TBL1X: variants seen among roughly 807,000 people sequenced by gnomAD.
TBL1X encodes the protein transducin beta like 1 X-linked, also known as F-box-like/WD repeat-containing protein TBL1X.
Under a neutral mutation model 50.7 loss-of-function variants are expected in TBL1X, and 10 were observed. That is an observed-to-expected ratio of 0.20 (90% CI 0.12 to 0.33). The LOEUF is 0.33. Among genes scored for constraint, TBL1X ranks in the 10% least tolerant of loss-of-function variants. The probability of loss-of-function intolerance (pLI) is 1.00; values close to 1 mark genes in which losing one functional copy is unlikely to be tolerated. For missense variants in TBL1X, 340 were observed against 504.4 expected, an observed-to-expected ratio of 0.67 and a Z score of 3.12; for synonymous variants, 190 against 214.7, an observed-to-expected ratio of 0.88 and a Z score of 1.01.
At chrX:9,700,725 A>G (rs1358184856) in intron 12 of TBL1X, among the ~76,000 whole-genome samples, 1 of 111,064 alleles carries the variant, frequency 9.0e-6, no homozygotes, top group Non-Finnish European at 1.9e-5. Flanking sequence ...GCCTTGCCCC[A>G]CTAGCTTTTC....
chrX:9,525,188 C>CA (rs1349149115), intron 2 of TBL1X, among the ~76,000 whole-genome samples: 1 of 111,238 alleles, frequency 9.0e-6, no homozygotes, highest in Non-Finnish European at 1.9e-5. Flanking sequence ...CGTCTTTCCA[C>CA]ACACCTTCCA....
intron 2 of TBL1X, among the ~76,000 whole-genome samples, chrX:9,530,783 A>AT (rs1323730136): frequency 1.8e-5 from 2 of 111,861 alleles, no homozygotes; most frequent in Non-Finnish European, 3.8e-5. Context: ...ATGTTTCTGG[A>AT]TTTTTTCCCG....
At chrX:9,710,336 G>A (rs1228412207) in intron 15 of TBL1X, among the ~76,000 whole-genome samples, 1 of 110,833 alleles carries the variant, frequency 9.0e-6, no homozygotes, top group Admixed American at 9.6e-5. Context: ...TCGAATTAAG[G>A]TCATCTCTTA....
At chrX:9,482,098 A>G (rs916262176) in intron 1 of TBL1X, among the ~76,000 whole-genome samples, 3 of 106,999 alleles carry the variant, frequency 2.8e-5, no homozygotes, top group African/African-American at 1.0e-4. Context: ...ATTTTCTGTC[A>G]TTTGGACTGA....
rs1254491563 is a variant in TBL1X at position 9,691,605 on chromosome X, G to T, written c.643G>T (p.Asp215Tyr). 1.7e-6 allele frequency: 2 copies of T among 1,211,464 alleles called. No individual in the cohort carries two copies. The highest frequency in any genetic ancestry group is 3.5e-5 in the African/African-American group (2 of 57,747). ...TAATCACGCGAAGCCAATGGAAATA[G>T]ATGGAGAGGTTGAGATTCCATCCAG... ...VNNHAKPMEI[D>Y]GEVEIPSSKA... is the part of the protein sequence containing the mutation. The change falls in exon 8 of 18, where the codon GAT (aspartate) becomes TAT (tyrosine). Residue 215 changes from aspartate (D) to tyrosine (Y), a missense_variant. By Grantham distance (160) the Asp-to-Tyr change is radical (BLOSUM62 -3). Coordinates refer to ENST00000645353, the MANE Select transcript of TBL1X (RefSeq NM_005647.4).
intron 2 of TBL1X, among the ~76,000 whole-genome samples, chrX:9,537,316 T>TA (rs1444500122): frequency 1.8e-5 from 2 of 109,555 alleles, no homozygotes; most frequent in Non-Finnish European, 3.8e-5. Flanking sequence ...CAATTTTTTT[T>TA]ATTGTGGTAA....
intron 2 of TBL1X, among the ~76,000 whole-genome samples, chrX:9,592,162 G>A (rs1417673942): frequency 1.8e-5 from 2 of 111,739 alleles, no homozygotes; most frequent in South Asian, 3.8e-4. Flanking sequence ...GCTTCTTGAC[G>A]TTTATCATTG....
chrX:9,688,317 T>C (rs1399195336), intron 7 of TBL1X, 42 bp downstream of exon 7: 2 of 1,060,878 alleles, frequency 1.9e-6, no homozygotes, highest in East Asian at 3.3e-5. Context: ...CCTCTCTGGG[T>C]TCATTGTTTT....
At chrX:9,711,836 TC>T (rs1569108002) in intron 16 of TBL1X, 60 bp downstream of exon 16, 5 of 1,115,429 alleles carry the variant, frequency 4.5e-6, no homozygotes, top group Non-Finnish European at 4.8e-6. Flanking sequence ...TAGCCACGAC[TC>T]CAGTGCCCTT....
rs987433460 is a variant in TBL1X at position 9,501,769 on chromosome X, G to A, written c.-200-11G>A. 7 of 111,636 alleles carry A rather than the reference G, an allele frequency of 6.3e-5. No homozygotes were observed. The highest frequency in any genetic ancestry group is 1.6e-4 in the African/African-American group (5 of 30,651). The allele number at this position is 111,636 out of a possible 1,213,427, so 9.2% of individuals were successfully genotyped here. On this transcript the variant is annotated splice_polypyrimidine_tract_variant and intron_variant, in intron 1 of 17. Coordinates refer to ENST00000645353, the MANE Select transcript of TBL1X (RefSeq NM_005647.4). ...TATGTGACACTGCTGCTATTTTACT[G>A]TTTCTTCCAGATTTCCGTGAGGGTG...
intron 1 of TBL1X, among the ~76,000 whole-genome samples, chrX:9,488,597 A>G (rs2081925570): frequency 1.8e-5 from 2 of 111,971 alleles, no homozygotes; most frequent in South Asian, 3.7e-4. Context: ...CTTTTACCAT[A>G]TAAGGAAACA....
intron 12 of TBL1X, among the ~76,000 whole-genome samples, chrX:9,704,158 C>T (rs2083192595): frequency 8.9e-6 from 1 of 112,167 alleles, no homozygotes; most frequent in Non-Finnish European, 1.9e-5. Context: ...GGGAGGGTGT[C>T]GGTCACAGGC....
intron 3 of TBL1X, among the ~76,000 whole-genome samples, chrX:9,650,033 C>T (rs2082825081): frequency 8.9e-6 from 1 of 112,504 alleles, no homozygotes; most frequent in South Asian, 3.7e-4. Flanking sequence ...TGAAGCAATC[C>T]TCCCATCTCA....
intron 6 of TBL1X, 68 bp downstream of exon 6, chrX:9,684,256 T>C (rs2083042989): frequency 3.4e-6 from 4 of 1,170,231 alleles, no homozygotes; most frequent in Non-Finnish European, 2.3e-6. Flanking sequence ...TTGGAACACA[T>C]TGGAAGCTAA....
intron 7 of TBL1X, among the ~76,000 whole-genome samples, chrX:9,689,788 G>A (rs961592743): frequency 5.3e-5 from 6 of 112,994 alleles, no homozygotes; most frequent in African/African-American, 1.9e-4. Flanking sequence ...CAGGGACAGT[G>A]GGTCTGCCAC....
intron 1 of TBL1X, among the ~76,000 whole-genome samples, chrX:9,475,047 T>C (rs1223314793): frequency 9.0e-6 from 1 of 111,319 alleles, no homozygotes; most frequent in Non-Finnish European, 1.9e-5. Flanking sequence ...CTAATTTTTG[T>C]ATTTTTAGTA....
chrX:9,569,674 A>G (rs66479054), intron 2 of TBL1X, among the ~76,000 whole-genome samples: 8,704 of 111,424 alleles, frequency 0.078, 279 homozygotes, highest in Middle Eastern at 0.11. Flanking sequence ...TCAAGAAACA[A>G]GACCAAACGA....
chrX:9,606,554 G>T (rs753493113), intron 2 of TBL1X, among the ~76,000 whole-genome samples: 8 of 110,845 alleles, frequency 7.2e-5, no homozygotes, highest in Non-Finnish European at 1.1e-4. Context: ...GTGGCGCATG[G>T]CTGTAGTTGC....
At chrX:9,650,449 C>T (rs1387452420) in intron 3 of TBL1X, among the ~76,000 whole-genome samples, 1 of 112,179 alleles carries the variant, frequency 8.9e-6, no homozygotes, top group Non-Finnish European at 1.9e-5. Flanking sequence ...GACATAGTTT[C>T]CTCTCTGTGC....
Sources: allele counts gnomAD v4.1 joint callset (sites outside exome capture counted in the v4.1 genomes callset), GRCh38; gene constraint gnomAD v4.1.1; transcripts MANE v1.5; gene names NCBI Gene and HGNC (gene_info 2026-07-23, HGNC 2026-07-21).